Variants in DCAF4L1 observed in about 807,000 individuals in gnomAD.
The protein encoded by DCAF4L1 is DDB1 and CUL4 associated factor 4 like 1, also known as DDB1- and CUL4-associated factor 4-like protein 1.
A neutral mutation model predicts 28.2 loss-of-function variants in DCAF4L1; 4 were observed. The ratio of observed to expected loss-of-function variants is 0.14; its 90% confidence interval spans 0.07 to 0.33. The LOEUF (loss-of-function observed/expected upper bound fraction) is 0.33, where lower values mean the gene tolerates loss of function less well. DCAF4L1 is among the 10% of genes least tolerant of loss of function. The pLI, the probability that DCAF4L1 is intolerant of heterozygous loss-of-function variation, is 1.00. For missense variants in DCAF4L1, 331 were observed against 506.1 expected, an observed-to-expected ratio of 0.65 and a Z score of 3.32; for synonymous variants, 252 against 212.1, an observed-to-expected ratio of 1.19 and a Z score of -1.63.
In DCAF4L1 at chr4:41,983,496, G is replaced by A. The variant is rs772044919; in HGVS notation, c.*513G>A. ...CAGAAATATTTAAGGCTGGAGTTTG[G>A]AATCATTAAATTTGGCCTTCTCAAA... On this transcript the variant is annotated 3_prime_UTR_variant, in exon 1 of 1. Coordinates refer to ENST00000333141, the MANE Select transcript of DCAF4L1 (RefSeq NM_001029955.4). 1.8e-5 allele frequency: 3 copies of A among 167,384 alleles called. No individual in the cohort carries two copies. The highest frequency in any genetic ancestry group is 2.9e-5 in the Non-Finnish European group (2 of 68,460). 10.4% of individuals were successfully genotyped at this position (167,384 alleles called of 1,614,324 possible).
Position 41,981,859 on chromosome 4 carries a change from T to C in DCAF4L1, c.67T>C (p.Phe23Leu). 3 of 1,614,164 alleles carry C rather than the reference T, an allele frequency of 1.9e-6. No individual in the cohort carries two copies. Among genetic ancestry groups the C allele is most frequent in the African/African-American group, 1.3e-5 (1 of 75,028 alleles). ...AKLKKVARMG[F>L]NASSMLRKSQ... ...GCTGAAAAAGGTAGCCAGAATGGGA[T>C]TTAATGCATCTTCCATGCTCCGAAA... The change falls in exon 1 of 1, where the codon TTT becomes CTT. Residue 23 changes from phenylalanine (F) to leucine (L), a missense_variant. Transcript: ENST00000333141.
rs1332055008 is a variant in DCAF4L1 at position 41,982,617 on chromosome 4, T to C, written c.825T>C (p.Ser275=). The C allele has an allele frequency of 6.2e-7, 1 of 1,614,102 alleles. No individual in the cohort carries two copies. The highest frequency in any genetic ancestry group is 8.5e-7 in the Non-Finnish European group (1 of 1,180,042). ...TGTTCCATGACTCAGCAGTGACCTC[T>C]GTGCAAATCCTCCAAGAAGAGCAAT... The part of the protein sequence containing the change: ...TRLFHDSAVT[S]VQILQEEQCL... The change falls in exon 1 of 1, where the codon TCT becomes TCC. Residue 275 remains serine (S), a synonymous_variant. Transcript: ENST00000333141. This position sits in a 1 kb window ranked among gnomAD's most constrained non-coding sequence, Gnocchi z 4.4.
At position 41,983,906 on chromosome 4, in the gene DCAF4L1, C is replaced by G. The variant is rs867792709; in HGVS notation, c.*923C>G. On this transcript the variant is annotated 3_prime_UTR_variant, in exon 1 of 1. Transcript: ENST00000333141. ...AAAATTCGTGATATAATCATACAATCGGATACTGCATAATAATAGAAAATA... is the reference window on the plus strand; with the variant it reads ...AAAATTCGTGATATAATCATACAATGGGATACTGCATAATAATAGAAAATA... The G allele has an allele frequency of 1.8e-5, 3 of 166,342 alleles. No individual in the cohort carries two copies. Among genetic ancestry groups the G allele is most frequent in the Non-Finnish European group, 4.4e-5 (3 of 68,108 alleles). The allele number at this position is 166,342 out of a possible 1,614,324, so 10.3% of individuals were successfully genotyped here.
rs1577668371 is a variant in DCAF4L1 at position 41,986,071 on chromosome 4, C to T, written c.*3088C>T. The stretch of plus-strand genomic sequence containing the variant: ...AGTGGTAGTAGGCTGGACAGAAGAA[C>T]CACTACTGTTTGTAAAAAGCATGCA... On this transcript the variant is annotated 3_prime_UTR_variant, in exon 1 of 1. Transcript: ENST00000333141. 6.0e-6 allele frequency: 1 copy of T among 167,096 alleles called. No homozygotes were observed. The highest frequency in any genetic ancestry group is 1.5e-5 in the Non-Finnish European group (1 of 68,148). 10.4% of individuals were successfully genotyped at this position (167,096 alleles called of 1,614,324 possible).
rs141881445 is a variant in DCAF4L1 at position 41,984,086 on chromosome 4, TAGAA to T, written c.*1110_*1113del. The T allele has an allele frequency of 2.2e-3, 360 of 163,354 alleles. No individual in the cohort carries two copies. Among genetic ancestry groups the T allele is most frequent in the African/African-American group, 8.4e-3 (351 of 41,554 alleles). The allele number at this position is 163,354 out of a possible 1,614,324, so 10.1% of individuals were successfully genotyped here. A position where few individuals can be genotyped will look rare whatever the true frequency, so the allele number is the denominator to read the frequency against. ...AAAGGTAGAGTAGTACGTACCTCTG[TAGAA>T]AGAAAGGATTTTTTTTTCTTTTTCT... On this transcript the variant is annotated 3_prime_UTR_variant, in exon 1 of 1. Coordinates refer to ENST00000333141, the MANE Select transcript of DCAF4L1 (RefSeq NM_001029955.4).
chr4:41,982,512 T>C lies in DCAF4L1; in HGVS notation c.720T>C (p.Phe240=), dbSNP rs745360987. 5 of 1,614,228 alleles carry C rather than the reference T, an allele frequency of 3.1e-6. No individual in the cohort carries two copies. The highest frequency in any genetic ancestry group is 1.1e-5 in the South Asian group (1 of 91,090). The change falls in exon 1 of 1, where the codon TTT becomes TTC. Residue 240 remains phenylalanine, a synonymous_variant. Coordinates refer to ENST00000333141, the MANE Select transcript of DCAF4L1 (RefSeq NM_001029955.4). This position sits in a 1 kb window ranked among gnomAD's most constrained non-coding sequence, Gnocchi z 4.4. ...TTGCTAGTACGGCTCCTTTGCTGTT[T>C]AATGGCTGTCGCTCCGGGGAGATCT... The part of the protein sequence containing the change: ...QQFASTAPLL[F]NGCRSGEIFA...
rs1012455893 is a variant in DCAF4L1 at position 41,984,270 on chromosome 4, A to C, written c.*1287A>C. ...TATTCCTCAAAAAATAAAAATAAGC[A>C]ATTAGGACACTATTGTAGTTAGGCA... On this transcript the variant is annotated 3_prime_UTR_variant, in exon 1 of 1. Coordinates refer to ENST00000333141, the MANE Select transcript of DCAF4L1 (RefSeq NM_001029955.4). The C allele has an allele frequency of 6.6e-5, 11 of 166,818 alleles. No homozygotes were observed. Among genetic ancestry groups the C allele is most frequent in the Non-Finnish European group, 8.8e-5 (6 of 68,118 alleles). The allele number at this position is 166,818 out of a possible 1,614,324, so 10.3% of individuals were successfully genotyped here.
chr4:41,985,455 G>T lies in DCAF4L1; in HGVS notation c.*2472G>T, dbSNP rs892697029. On this transcript the variant is annotated 3_prime_UTR_variant, in exon 1 of 1. Transcript: ENST00000333141. The stretch of plus-strand genomic sequence containing the variant: ...TAAAAGAGAAGCAAATGTTGGTGCA[G>T]TTGTGAGCAAATAGAACTTTCATAT... 1 of 167,140 alleles carries T rather than the reference G, an allele frequency of 6.0e-6. No homozygotes were observed. Among genetic ancestry groups the T allele is most frequent in the African/African-American group, 2.4e-5 (1 of 41,468 alleles). 10.4% of individuals were successfully genotyped at this position (167,140 alleles called of 1,614,324 possible). A position where few individuals can be genotyped will look rare whatever the true frequency, so the allele number is the denominator to read the frequency against.
chr4:41,985,224 A>G lies in DCAF4L1; in HGVS notation c.*2241A>G, dbSNP rs574366946. On this transcript the variant is annotated 3_prime_UTR_variant, in exon 1 of 1. Coordinates refer to ENST00000333141, the MANE Select transcript of DCAF4L1 (RefSeq NM_001029955.4). Reference sequence around the variant, plus strand: ...TGCAAAGAAAACAAATGCAAAAAAAAAATCAGTAAGAAAAACACACCTAAA... The same window carrying G: ...TGCAAAGAAAACAAATGCAAAAAAAGAATCAGTAAGAAAAACACACCTAAA... 1 of 167,130 alleles carries G rather than the reference A, an allele frequency of 6.0e-6. No individual in the cohort carries two copies. The highest frequency in any genetic ancestry group is 2.4e-5 in the African/African-American group (1 of 41,552). The allele number at this position is 167,130 out of a possible 1,614,324, so 10.4% of individuals were successfully genotyped here.
rs201306900 is a variant in DCAF4L1 at position 41,982,857 on chromosome 4, G to A, written c.1065G>A (p.Pro355=). ...DAHLLRTIPS[P]YSASEDDIPS... is the part of the protein sequence containing the mutation. ...ACCTGCTCAGAACCATCCCTTCCCC[G>A]TACTCTGCCTCCGAGGACGACATTC... Residue 355 remains proline (P), a synonymous_variant, in exon 1 of 1, where the codon CCG becomes CCA. Coordinates refer to ENST00000333141, the MANE Select transcript of DCAF4L1 (RefSeq NM_001029955.4). The surrounding 1 kb of genome is among the most constrained non-coding windows in gnomAD (Gnocchi z 4.4). The A allele has an allele frequency of 3.1e-4, 507 of 1,614,106 alleles. No homozygotes were observed. The highest frequency in any genetic ancestry group is 3.4e-4 in the Non-Finnish European group (399 of 1,180,008).
At position 41,982,953 on chromosome 4, in the gene DCAF4L1, G is replaced by T. The variant is rs1714036057; in HGVS notation, c.1161G>T (p.Arg387=). 10 of 1,612,120 alleles carry T rather than the reference G, an allele frequency of 6.2e-6. No individual in the cohort carries two copies. The Admixed American group carries it at 1.2e-4, about 19-fold the overall frequency. ...GAAPGLLMAV[R]QDLYCFPFS is the part of the protein sequence containing the mutation. ...CACCAGGGCTGCTCATGGCTGTCCG[G>T]CAGGACCTTTATTGTTTCCCCTTCA... The change falls in exon 1 of 1, where the codon CGG becomes CGT. Residue 387 remains arginine, a synonymous_variant. Transcript: ENST00000333141. The surrounding 1 kb of genome is among the most constrained non-coding windows in gnomAD (Gnocchi z 4.4).
In DCAF4L1 at chr4:41,984,654, C is replaced by T. The variant is rs1365812125; in HGVS notation, c.*1671C>T. On this transcript the variant is annotated 3_prime_UTR_variant, in exon 1 of 1. Coordinates refer to ENST00000333141, the MANE Select transcript of DCAF4L1 (RefSeq NM_001029955.4). ...GCTGAGTTTTAGACATCTACTAAAC[C>T]TCCAATTGGAGATACAAAGTATTCT... 2 of 166,954 alleles carry T rather than the reference C, an allele frequency of 1.2e-5. No individual in the cohort carries two copies. The highest frequency in any genetic ancestry group is 6.6e-5 in the Admixed American group (1 of 15,262). The allele number at this position is 166,954 out of a possible 1,614,324, so 10.3% of individuals were successfully genotyped here.
chr4:41,983,194 C>G lies in DCAF4L1; in HGVS notation c.*211C>G, dbSNP rs1714046405. 3 of 535,572 alleles carry G rather than the reference C, an allele frequency of 5.6e-6. No homozygotes were observed. The South Asian group carries it at 8.1e-5, about 14-fold the overall frequency. The allele number at this position is 535,572 out of a possible 1,614,324, so 33.2% of individuals were successfully genotyped here. A position where few individuals can be genotyped will look rare whatever the true frequency, so the allele number is the denominator to read the frequency against. ...GTGGACTTAACTTGAAAGTCCTTTT[C>G]ATAAAAGGTACCTGTTTCCTCTTGT... On this transcript the variant is annotated 3_prime_UTR_variant, in exon 1 of 1. Transcript: ENST00000333141.
chr4:41,982,950 C>A lies in DCAF4L1; in HGVS notation c.1158C>A (p.Val386=), dbSNP rs200759984. The change falls in exon 1 of 1, where the codon GTC becomes GTA. Residue 386 remains valine, a synonymous_variant. Transcript: ENST00000333141. The surrounding 1 kb of genome is among the most constrained non-coding windows in gnomAD (Gnocchi z 4.4). ...CAGCACCAGGGCTGCTCATGGCTGT[C>A]CGGCAGGACCTTTATTGTTTCCCCT... The part of the protein sequence containing the change: ...RGAAPGLLMA[V]RQDLYCFPFS The A allele has an allele frequency of 1.4e-5, 23 of 1,612,244 alleles. No individual in the cohort carries two copies. In the East Asian group the frequency reaches 4.2e-4, roughly 30 times the overall value.
rs529091462 is a variant in DCAF4L1, at chr4:41,983,029, G to A, written c.*46G>A. ...CCGAATGTGGATTTGACTTAAGGAA[G>A]TTAAGAGTATCTTATTACCGTTTCT... On this transcript the variant is annotated 3_prime_UTR_variant, in exon 1 of 1. Transcript: ENST00000333141. 7 of 1,501,338 alleles carry A rather than the reference G, an allele frequency of 4.7e-6. No homozygotes were observed. The African/African-American group carries it at 8.3e-5, about 18-fold the overall frequency. The allele number at this position is 1,501,338 out of a possible 1,614,324, so 93.0% of individuals were successfully genotyped here. A position where few individuals can be genotyped will look rare whatever the true frequency, so the allele number is the denominator to read the frequency against.
chr4:41,984,439 G>GGTT lies in DCAF4L1; in HGVS notation c.*1456_*1457insGTT. ...GAAAGTGAAAGAAAAAAGGATGGCA[G>GGTT]CTTTTTTTTTTTTTTTTTTGAGACG... On this transcript the variant is annotated 3_prime_UTR_variant, in exon 1 of 1. Transcript: ENST00000333141. The GGTT allele has an allele frequency of 1.3e-5, 1 of 79,068 alleles. No homozygotes were observed. The highest frequency in any genetic ancestry group is 3.5e-5 in the Non-Finnish European group (1 of 28,740). The allele number at this position is 79,068 out of a possible 1,614,324, so 4.9% of individuals were successfully genotyped here.
Position 41,982,710 on chromosome 4 carries a change from G to A in DCAF4L1, c.918G>A (p.Arg306=), listed in dbSNP as rs1306351243. Residue 306 remains arginine, a synonymous_variant, in exon 1 of 1, where the codon AGG becomes AGA. Coordinates refer to ENST00000333141, the MANE Select transcript of DCAF4L1 (RefSeq NM_001029955.4). This position sits in a 1 kb window ranked among gnomAD's most constrained non-coding sequence, Gnocchi z 4.4. ...LWDLRATKCV[R]QYEGHVNESA... ...ATCTGAGGGCCACTAAATGTGTAAG[G>A]CAGTACGAAGGTCACGTGAATGAGT... 6.2e-7 allele frequency: 1 copy of A among 1,614,104 alleles called. No homozygotes were observed. The highest frequency in any genetic ancestry group is 2.2e-5 in the East Asian group (1 of 44,892).
Position 41,985,313 on chromosome 4 carries a change from T to C in DCAF4L1, c.*2330T>C, listed in dbSNP as rs1161038772. On this transcript the variant is annotated 3_prime_UTR_variant, in exon 1 of 1. Transcript: ENST00000333141. ...GAGATCCAAATGGCTAATATACATT[T>C]GAAAAGGCATCCAACTTCTTTTATT... is the stretch of plus-strand genomic sequence containing the variant. 6.0e-6 allele frequency: 1 copy of C among 167,034 alleles called. No homozygotes were observed. The highest frequency in any genetic ancestry group is 1.5e-5 in the Non-Finnish European group (1 of 68,092). The allele number at this position is 167,034 out of a possible 1,614,324, so 10.3% of individuals were successfully genotyped here.
Position 41,982,635 on chromosome 4 carries a change from A to G in DCAF4L1, c.843A>G (p.Glu281=), listed in dbSNP as rs779189150. ...TGACCTCTGTGCAAATCCTCCAAGAAGAGCAATGCCTGATGGCATCAGACA... is the reference window on the plus strand; with the variant it reads ...TGACCTCTGTGCAAATCCTCCAAGAGGAGCAATGCCTGATGGCATCAGACA... The part of the protein sequence containing the change: ...SAVTSVQILQ[E]EQCLMASDMT... Residue 281 remains glutamate, a synonymous_variant, in exon 1 of 1, where the codon GAA becomes GAG. Coordinates refer to ENST00000333141, the MANE Select transcript of DCAF4L1 (RefSeq NM_001029955.4). The surrounding 1 kb of genome is among the most constrained non-coding windows in gnomAD (Gnocchi z 4.4). The G allele has an allele frequency of 1.2e-6, 2 of 1,614,126 alleles. No homozygotes were observed. Among genetic ancestry groups the G allele is most frequent in the African/African-American group, 2.7e-5 (2 of 74,942 alleles).
Sources: gnomAD v4.1 joint callset for allele counts on GRCh38, gnomAD v4.1.1 for gene constraint, Gnocchi (gnomAD v3.1) non-coding constraint, MANE v1.5 for transcripts, NCBI Gene and HGNC (gene_info 2026-07-23, HGNC 2026-07-21) for gene names.